The following MAGI2 variants were observed in gnomAD, a reference collection of about 807,000 sequenced individuals.
The protein encoded by MAGI2 is membrane-associated guanylate kinase, WW and PDZ domain-containing protein 2.
Under a neutral mutation model 133.3 loss-of-function variants are expected in MAGI2, and 35 were observed. The ratio of observed to expected loss-of-function variants is 0.26; its 90% CI spans 0.20 to 0.35. The LOEUF (loss-of-function observed/expected upper bound fraction) is 0.35. Ranked by LOEUF, MAGI2 falls within the 10% of genes least tolerant of loss-of-function variation. The probability of loss-of-function intolerance (pLI) is 1.00; values close to 1 mark genes in which losing one functional copy is unlikely to be tolerated. For synonymous variants in MAGI2, 729 were observed against 710.6 expected, an observed-to-expected ratio of 1.03 and a Z score of -0.41; for missense variants, 1,636 against 1,863.4, an observed-to-expected ratio of 0.88 and a Z score of 2.25.
chr7:78,162,727 A>G (rs1207992461), intron 15 of MAGI2, among the ~76,000 whole-genome samples: 1 of 152,144 alleles, frequency 6.6e-6, no homozygotes. Context: ...CAACTTCCAG[A>G]ACAAAGTTCT....
At position 79,049,272 on chromosome 7, in the gene MAGI2, A is replaced by G. The variant is rs78598887; in HGVS notation, c.302-42066T>C. ...ACTAGGAAATCAAAAATTAATTAAT[A>G]AGACTTTTTTTTCCCCCTGCCATCA... is the stretch of plus-strand genomic sequence containing the variant. On this transcript the variant is annotated intron_variant, in intron 1 of 21. Coordinates refer to ENST00000354212, the MANE Select transcript of MAGI2 (RefSeq NM_012301.4). Among the ~76,000 whole-genome samples, 1,489 of 152,326 alleles carry G rather than the reference A, an allele frequency of 9.8e-3. 29 individuals carry two copies. The highest frequency in any genetic ancestry group is 0.034 in the African/African-American group (1,404 of 41,578).
At chr7:78,401,798 T>C (rs1234485941) in intron 6 of MAGI2, among the ~76,000 whole-genome samples, 1 of 152,198 alleles carries the variant, frequency 6.6e-6, no homozygotes, top group Non-Finnish European at 1.5e-5. Context: ...GAGACAATAA[T>C]ACCTACCACA....
At chr7:78,692,920 G>A (rs1408819187) in intron 2 of MAGI2, among the ~76,000 whole-genome samples, 1 of 152,066 alleles carries the variant, frequency 6.6e-6, no homozygotes, top group South Asian at 2.1e-4. Flanking sequence ...TAAAGAAAAA[G>A]GATTTTGCAA....
chr7:78,025,717 GA>G (rs1808842555), intron 21 of MAGI2, among the ~76,000 whole-genome samples: 1 of 152,158 alleles, frequency 6.6e-6, no homozygotes, highest in African/African-American at 2.4e-5. Flanking sequence ...AGCGGGAGGG[GA>G]AATGACTAAG....
At chr7:78,141,522 G>GT (rs569508863) in intron 16 of MAGI2, among the ~76,000 whole-genome samples, 1 of 151,942 alleles carries the variant, frequency 6.6e-6, no homozygotes, top group Non-Finnish European at 1.5e-5. Flanking sequence ...GTATTTTAAA[G>GT]TTTTTTTTGG....
intron 5 of MAGI2, among the ~76,000 whole-genome samples, chr7:78,496,085 A>C (rs1269770479): frequency 6.6e-6 from 1 of 152,188 alleles, no homozygotes; most frequent in Non-Finnish European, 1.5e-5. Context: ...TCTTTAATAA[A>C]TGTTGTTTAA....
chr7:78,914,552 T>C (rs1446181843), intron 2 of MAGI2, among the ~76,000 whole-genome samples: 1 of 152,180 alleles, frequency 6.6e-6, no homozygotes, highest in Non-Finnish European at 1.5e-5. Context: ...ATTTCACATA[T>C]ATTGCATTTC....
At chr7:79,206,460 A>T (rs976264025) in intron 1 of MAGI2, among the ~76,000 whole-genome samples, 1 of 146,508 alleles carries the variant, frequency 6.8e-6, no homozygotes, top group African/African-American at 2.8e-5. Flanking sequence ...AACAAATTGG[A>T]TAATCTAGAA....
intron 2 of MAGI2, among the ~76,000 whole-genome samples, chr7:78,694,912 T>C (rs1817342525): frequency 6.6e-6 from 1 of 152,208 alleles, no homozygotes; most frequent in African/African-American, 2.4e-5. Context: ...ATCAGAATAC[T>C]AGGAATACTG....
At chr7:79,311,825 C>A (rs1176237205) in intron 1 of MAGI2, among the ~76,000 whole-genome samples, 1 of 152,146 alleles carries the variant, frequency 6.6e-6, no homozygotes, top group Admixed American at 6.6e-5. Flanking sequence ...CAGTAAAAGG[C>A]AACTCTATAC....
In MAGI2 at chr7:78,018,744, G is replaced by A. The variant is rs190513525; in HGVS notation, c.*571C>T. The A allele has an allele frequency of 1.3e-5, 2 of 157,908 alleles. No individual in the cohort carries two copies. The highest frequency in any genetic ancestry group is 1.4e-5 in the Non-Finnish European group (1 of 71,638). 9.8% of individuals were successfully genotyped at this position (157,908 alleles called of 1,614,324 possible). A position where few individuals can be genotyped will look rare whatever the true frequency, so the allele number is the denominator to read the frequency against. On this transcript the variant is annotated 3_prime_UTR_variant, in exon 22 of 22. Coordinates refer to ENST00000354212, the MANE Select transcript of MAGI2 (RefSeq NM_012301.4). ...GCTAACACCGAGGATGGATGCCAAG[G>A]GTGAGCCATGGAAACATGTCATGGG... is the stretch of plus-strand genomic sequence containing the variant.
chr7:79,268,953 A>C (rs957865735), intron 1 of MAGI2, among the ~76,000 whole-genome samples: 3 of 152,218 alleles, frequency 2.0e-5, no homozygotes, highest in African/African-American at 7.2e-5. Context: ...TTGTTTAAAA[A>C]GCACTTAAAC....
chr7:78,921,548 A>G (rs1799223496), intron 2 of MAGI2, among the ~76,000 whole-genome samples: 1 of 152,028 alleles, frequency 6.6e-6, no homozygotes, highest in Admixed American at 6.6e-5. Context: ...ATGCTTCCAG[A>G]TTTCTAGTAA....
intron 2 of MAGI2, among the ~76,000 whole-genome samples, chr7:78,965,551 T>G (rs118052567): frequency 0.014 from 2,100 of 152,148 alleles, 20 homozygotes; most frequent in Non-Finnish European, 0.023. Context: ...CTAGAGATTT[T>G]TTTTTCATTT....
At chr7:78,181,746 G>A (rs1289300601) in intron 13 of MAGI2, among the ~76,000 whole-genome samples, 1 of 152,128 alleles carries the variant, frequency 6.6e-6, no homozygotes, top group Non-Finnish European at 1.5e-5. Context: ...TTGCAAAAAC[G>A]AACTTTAAAA....
chr7:78,295,392 T>A (rs1797125161), intron 9 of MAGI2, among the ~76,000 whole-genome samples: 1 of 152,176 alleles, frequency 6.6e-6, no homozygotes, highest in African/African-American at 2.4e-5. Context: ...AAACTGTAAA[T>A]TTGTGCATCT....
chr7:79,151,128 G>A (rs56313053), intron 1 of MAGI2, among the ~76,000 whole-genome samples: 3,964 of 152,084 alleles, frequency 0.026, 171 homozygotes, highest in African/African-American at 0.089. Context: ...TGTTGCAGAC[G>A]AAGATGGCTA....
chr7:79,187,499 T>A (rs1827271072), intron 1 of MAGI2, among the ~76,000 whole-genome samples: 1 of 151,834 alleles, frequency 6.6e-6, no homozygotes, highest in Admixed American at 6.6e-5. Flanking sequence ...AGGAACTTCA[T>A]CATATGTACA....
chr7:78,314,749 C>T (rs1442298797), intron 9 of MAGI2, among the ~76,000 whole-genome samples: 1 of 152,114 alleles, frequency 6.6e-6, no homozygotes, highest in African/African-American at 2.4e-5. Context: ...GATAATTAAA[C>T]ATTATATGTT....
Sources: allele counts gnomAD v4.1 joint callset (sites outside exome capture counted in the v4.1 genomes callset), GRCh38; gene constraint gnomAD v4.1.1; transcripts MANE v1.5; gene names NCBI Gene and HGNC (gene_info 2026-07-23, HGNC 2026-07-21).